Variants in HCN1 observed in about 807,000 individuals in gnomAD.
The protein encoded by HCN1 is potassium/sodium hyperpolarization-activated cyclic nucleotide-gated channel 1.
In HCN1, 13 loss-of-function variants were observed where a neutral mutation model predicts 78.9. The observed-to-expected ratio is 0.16, with a 90% confidence interval of 0.11 to 0.26. HCN1 has a LOEUF of 0.26. HCN1 is among the 10% of genes least tolerant of loss of function. The probability of loss-of-function intolerance (pLI) is 1.00; values close to 1 mark genes in which losing one functional copy is unlikely to be tolerated. For missense variants in HCN1, 810 were observed against 1,154.3 expected, an observed-to-expected ratio of 0.70 and a Z score of 4.32; for synonymous variants, 552 against 455.5, an observed-to-expected ratio of 1.21 and a Z score of -2.70.
chr5:45,529,774 G>T (rs1359289149), intron 2 of HCN1, among the ~76,000 whole-genome samples: 1 of 152,044 alleles, frequency 6.6e-6, no homozygotes, highest in Non-Finnish European at 1.5e-5. Context: ...TCATTATGAA[G>T]ATTTACTTTT....
At chr5:45,471,229 T>G (rs1264571655) in intron 2 of HCN1, among the ~76,000 whole-genome samples, 1 of 151,894 alleles carries the variant, frequency 6.6e-6, no homozygotes, top group African/African-American at 2.4e-5. Flanking sequence ...ATGCGTGTGT[T>G]CAAGGGGTGG....
At chr5:45,415,150 T>A (rs1311612378) in intron 3 of HCN1, among the ~76,000 whole-genome samples, 1 of 152,070 alleles carries the variant, frequency 6.6e-6, no homozygotes, top group Non-Finnish European at 1.5e-5. Context: ...ACCATGATTT[T>A]ACTTTGCTCT....
chr5:45,436,458 T>C lies in HCN1; in HGVS notation c.1011+25388A>G, dbSNP rs1225385410. Among the ~76,000 whole-genome samples, 3 of 152,164 alleles carry C rather than the reference T, an allele frequency of 2.0e-5. No homozygotes were observed. In the South Asian group the frequency reaches 6.2e-4, roughly 32 times the overall value. The stretch of plus-strand genomic sequence containing the variant: ...GCTAATTCAATCCACTGAATTTTAA[T>C]ATAGGTCACTGTACAGAGGTCACCA... On this transcript the variant is annotated intron_variant, in intron 3 of 7. Coordinates refer to ENST00000303230, the MANE Select transcript of HCN1 (RefSeq NM_021072.4).
chr5:45,594,397 C>T (rs1744443172), intron 2 of HCN1, among the ~76,000 whole-genome samples: 1 of 152,088 alleles, frequency 6.6e-6, no homozygotes, highest in South Asian at 2.1e-4. Flanking sequence ...TGAGGCTTTC[C>T]CAACCTCTCT....
chr5:45,287,095 G>T (rs1022751136), intron 6 of HCN1, among the ~76,000 whole-genome samples: 1 of 151,160 alleles, frequency 6.6e-6, no homozygotes, highest in African/African-American at 2.5e-5. Context: ...GTGTGTGTGT[G>T]TGTCTGTGTG....
intron 3 of HCN1, among the ~76,000 whole-genome samples, chr5:45,437,172 G>A (rs149347346): frequency 2.4e-4 from 36 of 152,212 alleles, no homozygotes; most frequent in African/African-American, 8.2e-4. Flanking sequence ...GTACACAATA[G>A]GGTACTAATT....
intron 2 of HCN1, among the ~76,000 whole-genome samples, chr5:45,628,618 G>A (rs1580006706): frequency 6.6e-6 from 1 of 152,114 alleles, no homozygotes; most frequent in South Asian, 2.1e-4. Context: ...TTTCAGGTTT[G>A]ATAAATAAAA....
intron 1 of HCN1, among the ~76,000 whole-genome samples, chr5:45,686,557 A>G (rs988550828): frequency 4.6e-5 from 7 of 152,284 alleles, no homozygotes; most frequent in Admixed American, 3.9e-4. Flanking sequence ...TTATGACCAA[A>G]TAACCATTAG....
intron 1 of HCN1, among the ~76,000 whole-genome samples, chr5:45,654,439 C>T (rs768125210): frequency 5.9e-5 from 9 of 152,036 alleles, no homozygotes; most frequent in Non-Finnish European, 1.2e-4. Context: ...TTTGATGGAC[C>T]ACTGAGTGGT....
At chr5:45,345,139 C>G (rs576766589) in intron 5 of HCN1, among the ~76,000 whole-genome samples, 37 of 152,276 alleles carry the variant, frequency 2.4e-4, no homozygotes, top group Middle Eastern at 3.4e-3. Flanking sequence ...GGGGCTTGCA[C>G]CCTCTGAAGC....
At chr5:45,632,740 G>C (rs1256280507) in intron 2 of HCN1, among the ~76,000 whole-genome samples, 3 of 151,920 alleles carry the variant, frequency 2.0e-5, no homozygotes, top group Non-Finnish European at 2.9e-5. Context: ...AGAATGCATT[G>C]GTTTTTCAAA....
intron 3 of HCN1, among the ~76,000 whole-genome samples, chr5:45,436,938 G>T (rs1157046440): frequency 1.3e-5 from 2 of 152,102 alleles, no homozygotes. Flanking sequence ...TACAGTAAAT[G>T]AAAACTTGGA....
chr5:45,281,526 C>CA (rs1258353310), intron 6 of HCN1, among the ~76,000 whole-genome samples: 1 of 139,942 alleles, frequency 7.1e-6, no homozygotes, highest in Non-Finnish European at 1.5e-5. Context: ...TATGTGCAGA[C>CA]AAAAAAGTAT....
At chr5:45,333,144 A>G (rs1344205023) in intron 5 of HCN1, among the ~76,000 whole-genome samples, 1 of 151,718 alleles carries the variant, frequency 6.6e-6, no homozygotes, top group Non-Finnish European at 1.5e-5. Flanking sequence ...CATCCTTGCA[A>G]GCATTTGTTA....
At chr5:45,347,110 C>A (rs1746737571) in intron 5 of HCN1, among the ~76,000 whole-genome samples, 1 of 152,178 alleles carries the variant, frequency 6.6e-6, no homozygotes, top group Non-Finnish European at 1.5e-5. Flanking sequence ...AACTGGGAGG[C>A]ACCTCCCAGT....
At chr5:45,694,233 C>A (rs1052697682) in intron 1 of HCN1, among the ~76,000 whole-genome samples, 5 of 152,120 alleles carry the variant, frequency 3.3e-5, no homozygotes, top group African/African-American at 1.2e-4. Flanking sequence ...GTTCTCTAGA[C>A]TATAAACGTC....
intron 1 of HCN1, among the ~76,000 whole-genome samples, chr5:45,653,894 A>G (rs995503415): frequency 4.6e-5 from 7 of 152,082 alleles, no homozygotes; most frequent in African/African-American, 1.7e-4. Flanking sequence ...CATTGTGCAC[A>G]TGTACCCTAA....
At chr5:45,476,133 C>A (rs1446258566) in intron 2 of HCN1, among the ~76,000 whole-genome samples, 3 of 152,046 alleles carry the variant, frequency 2.0e-5, no homozygotes, top group Non-Finnish European at 4.4e-5. Flanking sequence ...TGCCACAAAG[C>A]TCTTCTGAGG....
chr5:45,308,822 T>A (rs1019804233), intron 5 of HCN1, among the ~76,000 whole-genome samples: 3 of 152,308 alleles, frequency 2.0e-5, no homozygotes, highest in South Asian at 4.1e-4. Context: ...TTTGTTCTTT[T>A]TTCTTAGGAT....
Sources: allele counts gnomAD v4.1 joint callset (sites outside exome capture counted in the v4.1 genomes callset), GRCh38; gene constraint gnomAD v4.1.1; transcripts MANE v1.5; gene names NCBI Gene and HGNC (gene_info 2026-07-23, HGNC 2026-07-21).